Variants in ANKRD2 observed in about 807,000 individuals in gnomAD.
ANKRD2 encodes ankyrin repeat domain-containing protein 2.
ANKRD2 carries 35 observed loss-of-function variants against 37.3 expected under a neutral mutation model. The observed-to-expected ratio is 0.94, with a 90% CI of 0.72 to 1.24. The LOEUF is 1.24. Among genes scored for constraint, ANKRD2 ranks in the 50% most tolerant of loss-of-function variants. The pLI is 0.00. For missense variants in ANKRD2, 410 were observed against 445.6 expected (o/e 0.92, Z 0.72); for synonymous variants, 159 against 186.5 (o/e 0.85, Z 1.20).
intron 4 of ANKRD2, among the ~76,000 whole-genome samples, chr10:97,579,403 C>T (rs1403427508): frequency 2.0e-5 from 3 of 149,410 alleles, no homozygotes; most frequent in Non-Finnish European, 4.4e-5. Context: ...GCCTCTTGGG[C>T]TCAAGCAATC....
intron 5 of ANKRD2, 97 bp from the exon 6 acceptor site, chr10:97,581,219 C>G (rs1368516697): frequency 5.5e-6 from 7 of 1,271,704 alleles, no homozygotes; most frequent in Non-Finnish European, 7.9e-6. Flanking sequence ...CTGTACCTTT[C>G]CCCTAGATAT....
intron 1 of ANKRD2, among the ~76,000 whole-genome samples, chr10:97,575,684 C>T (rs1009346719): frequency 6.6e-6 from 1 of 152,108 alleles, no homozygotes; most frequent in Non-Finnish European, 1.5e-5. Flanking sequence ...CCAAGGTGGG[C>T]GGATTGCCTG....
intron 8 of ANKRD2, 109 bp from the exon 9 acceptor site, chr10:97,583,467 C>T: frequency 9.2e-7 from 1 of 1,092,804 alleles, no homozygotes; most frequent in Non-Finnish European, 1.3e-6. Flanking sequence ...CAGTTGCCCC[C>T]ATTTGAGAAG....
chr10:97,579,461 C>A (rs187919610), intron 4 of ANKRD2, among the ~76,000 whole-genome samples: 44 of 152,094 alleles, frequency 2.9e-4, no homozygotes, highest in African/African-American at 1.0e-3. Flanking sequence ...CTTGAACCAC[C>A]ACTCCTGGCC....
At chr10:97,576,792 G>C (rs546636188) in intron 1 of ANKRD2, among the ~76,000 whole-genome samples, 1 of 151,916 alleles carries the variant, frequency 6.6e-6, no homozygotes, top group African/African-American at 2.4e-5. Flanking sequence ...CACCTCCTGG[G>C]TTCAAGTGAT....
intron 4 of ANKRD2, 115 bp downstream of exon 4, chr10:97,578,720 G>A (rs1589893458): frequency 1.2e-6 from 1 of 808,880 alleles, no homozygotes; most frequent in African/African-American, 1.7e-5. Context: ...GGTGTTCTTT[G>A]GATGGGTGGG....
chr10:97,581,258 A>G (rs1035556765), intron 5 of ANKRD2, 58 bp from the exon 6 acceptor site: 2 of 1,544,902 alleles, frequency 1.3e-6, no homozygotes, highest in East Asian at 4.5e-5. Flanking sequence ...GGGGTACATT[A>G]CCCCCGAATA....
At position 97,582,713 on chromosome 10, in the gene ANKRD2, T is replaced by A. The variant is rs1375392081; in HGVS notation, c.852+11T>A. 11 of 1,613,130 alleles carry A rather than the reference T, an allele frequency of 6.8e-6. No homozygotes were observed. The highest frequency in any genetic ancestry group is 9.3e-6 in the Non-Finnish European group (11 of 1,179,282). ...ATGACCAAGAACCTGGTAAGCTCATTCCCTCCTTGATTCAGTCACTGGCGT... is the reference window on the plus strand; with the variant it reads ...ATGACCAAGAACCTGGTAAGCTCATACCCTCCTTGATTCAGTCACTGGCGT... On this transcript the variant is annotated intron_variant, in intron 8 of 8. Transcript: ENST00000370655.
intron 1 of ANKRD2, among the ~76,000 whole-genome samples, chr10:97,574,472 C>G (rs1221228637): frequency 6.6e-6 from 1 of 152,124 alleles, no homozygotes; most frequent in African/African-American, 2.4e-5. Context: ...TGGAAAGACA[C>G]AAGCCAGAGA....
intron 8 of ANKRD2, among the ~76,000 whole-genome samples, chr10:97,582,934 A>G (rs1441752964): frequency 1.3e-5 from 2 of 152,212 alleles, no homozygotes; most frequent in Non-Finnish European, 2.9e-5. Context: ...AGGGGCAGCA[A>G]GAGGACTTCC....
At chr10:97,577,317 A>G (rs1282967788) in intron 1 of ANKRD2, among the ~76,000 whole-genome samples, 1 of 151,804 alleles carries the variant, frequency 6.6e-6, no homozygotes, top group African/African-American at 2.4e-5. Flanking sequence ...TTATTTTTAG[A>G]GACACGATCT....
At position 97,581,554 on chromosome 10, in the gene ANKRD2, CAG is replaced by C. The variant is rs547890869; in HGVS notation, c.654+141_654+142del. On this transcript the variant is annotated intron_variant, in intron 6 of 8. Coordinates refer to ENST00000370655, the MANE Select transcript of ANKRD2 (RefSeq NM_001346793.2). Reference sequence around the variant, plus strand: ...TGGCTGCAGAGCAGGGAAGCTAAAACAGTGTCCTACTGGGCCTCCCAGCCCAG... The same window carrying C: ...TGGCTGCAGAGCAGGGAAGCTAAAACTGTCCTACTGGGCCTCCCAGCCCAG... The C allele has an allele frequency of 7.5e-4, 621 of 829,692 alleles. 1 individual carries two copies. Among genetic ancestry groups the C allele is most frequent in the Admixed American group, 3.3e-3 (131 of 40,072 alleles). 51.4% of individuals were successfully genotyped at this position (829,692 alleles called of 1,614,324 possible). A position where few individuals can be genotyped will look rare whatever the true frequency, so the allele number is the denominator to read the frequency against.
At chr10:97,576,135 C>G (rs1183441020) in intron 1 of ANKRD2, among the ~76,000 whole-genome samples, 1 of 152,134 alleles carries the variant, frequency 6.6e-6, no homozygotes, top group African/African-American at 2.4e-5. Flanking sequence ...CCTGGGAAAT[C>G]GGCTCTCAAA....
rs2040915049 is a variant in ANKRD2, at chr10:97,582,618, C to T, written c.768C>T (p.Ala256=). The stretch of plus-strand genomic sequence containing the variant: ...ACTGACTCTAGGAAGGGGATACTGC[C>T]CTGCATGACGCTGTGAGGCTCAACC... ...INARDREGDT[A]LHDAVRLNRY... The change falls in exon 8 of 9, where the codon GCC becomes GCT. Residue 256 remains alanine, a synonymous_variant. Transcript: ENST00000370655. 1 of 1,614,022 alleles carries T rather than the reference C, an allele frequency of 6.2e-7. No homozygotes were observed. The highest frequency in any genetic ancestry group is 1.3e-5 in the African/African-American group (1 of 74,924).
In ANKRD2 at chr10:97,578,008, C is replaced by T; in HGVS notation, c.189+107C>T. On this transcript the variant is annotated intron_variant, in intron 2 of 8. Transcript: ENST00000370655. ...CCATGGACCAGCAGTTCAGCACCCC[C>T]GGTAGAGCTTGCTAGCCCTGCAGAA... 5 of 1,175,998 alleles carry T rather than the reference C, an allele frequency of 4.3e-6. No individual in the cohort carries two copies. In the South Asian group the frequency reaches 6.2e-5, roughly 15 times the overall value. The allele number at this position is 1,175,998 out of a possible 1,614,324, so 72.8% of individuals were successfully genotyped here. A position where few individuals can be genotyped will look rare whatever the true frequency, so the allele number is the denominator to read the frequency against.
chr10:97,581,499 G>A, intron 6 of ANKRD2, 85 bp downstream of exon 6: 1 of 1,365,936 alleles, frequency 7.3e-7, no homozygotes, highest in Non-Finnish European at 1.0e-6. Flanking sequence ...AAGCCTAGGG[G>A]GCAGGAAGGT....
intron 1 of ANKRD2, among the ~76,000 whole-genome samples, chr10:97,574,649 A>C (rs1037616827): frequency 6.6e-6 from 1 of 152,112 alleles, no homozygotes; most frequent in African/African-American, 2.4e-5. Context: ...GGAGGAGATA[A>C]ATCAGGTTGG....
chr10:97,578,161 C>A, intron 2 of ANKRD2, 79 bp from the exon 3 acceptor site: 2 of 1,337,992 alleles, frequency 1.5e-6, no homozygotes, highest in African/African-American at 1.5e-5. Context: ...CCACCCTCCC[C>A]ACCAGCTTAG....
upstream of ANKRD2, chr10:97,572,461 A>G: frequency 1.9e-6 from 1 of 521,730 alleles, no homozygotes; most frequent in Non-Finnish European, 3.4e-6. Context: ...TGCAGCCAGC[A>G]GTTCCCTTTT....
Sources: gnomAD v4.1 joint callset for allele counts (sites outside exome capture counted in the v4.1 genomes callset) on GRCh38, gnomAD v4.1.1 for gene constraint, MANE v1.5 for transcripts, NCBI Gene and HGNC (gene_info 2026-07-23, HGNC 2026-07-21) for gene names.